The following RNMT variants were observed in gnomAD, a reference collection of about 807,000 sequenced individuals.
The protein encoded by RNMT is mRNA cap guanine-N(7) methyltransferase.
A neutral mutation model predicts 56.0 loss-of-function variants in RNMT; 27 were observed. The observed-to-expected ratio is 0.48, with a 90% CI of 0.36 to 0.67. The LOEUF is 0.67. Among genes scored for constraint, RNMT ranks in the 30% least tolerant of loss-of-function variants. The pLI is 0.00. For missense variants in RNMT, 519 were observed against 552.1 expected (o/e 0.94, Z 0.60); for synonymous variants, 184 against 176.2 (o/e 1.04, Z -0.35).
rs2044638260 is a variant in RNMT at position 13,762,999 on chromosome 18, A to G, written c.*3020A>G. 2 of 441,296 alleles carry G rather than the reference A, an allele frequency of 4.5e-6. No individual in the cohort carries two copies. Among genetic ancestry groups the G allele is most frequent in the Admixed American group, 2.5e-5 (1 of 40,094 alleles). 27.3% of individuals were successfully genotyped at this position (441,296 alleles called of 1,614,324 possible). ...ACCTCAGGCCTTGTGCATTTGGGTTATCTCAAGCCAGTCACCACAGAGGGT... is the reference window on the plus strand; with the variant it reads ...ACCTCAGGCCTTGTGCATTTGGGTTGTCTCAAGCCAGTCACCACAGAGGGT... On this transcript the variant is annotated 3_prime_UTR_variant, in exon 12 of 12. Transcript: ENST00000383314.
At chr18:13,734,068 C>T (rs111810270) in intron 3 of RNMT, among the ~76,000 whole-genome samples, 9 of 152,146 alleles carry the variant, frequency 5.9e-5, no homozygotes, top group Admixed American at 3.3e-4. Flanking sequence ...ATAAGTCTCA[C>T]GAGATCTGAT....
intron 1 of RNMT, among the ~76,000 whole-genome samples, chr18:13,727,779 A>G (rs1185582253): frequency 6.6e-6 from 1 of 152,156 alleles, no homozygotes; most frequent in Admixed American, 6.6e-5. Flanking sequence ...GTCTGTGGTA[A>G]CCACCAATCC....
intron 6 of RNMT, among the ~76,000 whole-genome samples, chr18:13,740,540 G>A (rs2044235573): frequency 6.6e-6 from 1 of 152,038 alleles, no homozygotes; most frequent in Non-Finnish European, 1.5e-5. Flanking sequence ...ACCACACCCA[G>A]CTAATTTTTA....
At chr18:13,752,493 T>C (rs1456054565) in intron 10 of RNMT, 66 bp downstream of exon 10, 8 of 959,480 alleles carry the variant, frequency 8.3e-6, no homozygotes, top group African/African-American at 3.3e-5. Flanking sequence ...TATGGAGACA[T>C]AGGAAATGAT....
chr18:13,741,410 G>A, intron 6 of RNMT, 100 bp from the exon 7 acceptor site: 3 of 710,988 alleles, frequency 4.2e-6, no homozygotes, highest in Non-Finnish European at 7.0e-6. Context: ...AGATTGTGAG[G>A]GAAAGGAAGA....
chr18:13,740,260 T>C lies in RNMT; in HGVS notation c.773T>C (p.Ile258Thr). 1 of 1,574,782 alleles carries C rather than the reference T, an allele frequency of 6.4e-7. No homozygotes were observed. Among genetic ancestry groups the C allele is most frequent in the East Asian group, 2.2e-5 (1 of 44,696 alleles). The change falls in exon 6 of 12, where the codon ATA (isoleucine) becomes ACA (threonine). Residue 258 changes from isoleucine to threonine, a missense_variant. Transcript: ENST00000383314. ...DSEYIFSAEF[I>T]TADSSKELLI... ...GAATATATTTTCAGTGCAGAATTTA[T>C]AACTGCTGACAGCTCAAAGGTACAG...
chr18:13,763,307 ATCCCAGGGCACTG>A lies in RNMT; in HGVS notation c.*3331_*3343del. On this transcript the variant is annotated 3_prime_UTR_variant, in exon 12 of 12. Transcript: ENST00000383314. ...ATTTAGCAGATGCATACAGGACTGG[ATCCCAGGGCACTG>A]TCAGTTCTTCCCTCCCTCTCGTGCT... 2.8e-6 allele frequency: 1 copy of A among 358,666 alleles called. No individual in the cohort carries two copies. The highest frequency in any genetic ancestry group is 2.1e-5 in the South Asian group (1 of 47,094). The allele number at this position is 358,666 out of a possible 1,614,324, so 22.2% of individuals were successfully genotyped here. A position where few individuals can be genotyped will look rare whatever the true frequency, so the allele number is the denominator to read the frequency against.
chr18:13,753,106 AT>A (rs1418622641), intron 10 of RNMT, among the ~76,000 whole-genome samples: 2 of 152,160 alleles, frequency 1.3e-5, no homozygotes, highest in Non-Finnish European at 2.9e-5. Flanking sequence ...CAAAAATTGT[AT>A]TTTTTCCACC....
intron 11 of RNMT, among the ~76,000 whole-genome samples, chr18:13,757,457 C>T (rs2044562667): frequency 6.6e-6 from 1 of 152,146 alleles, no homozygotes; most frequent in South Asian, 2.1e-4. Context: ...TATTAATATT[C>T]GAAATCCTTG....
rs1488671970 is a variant in RNMT, at chr18:13,731,656, A to G, written c.139A>G (p.Thr47Ala). Residue 47 changes from threonine (T) to alanine (A), a missense_variant, in exon 3 of 12, where the codon ACT becomes GCT. Coordinates refer to ENST00000383314, the MANE Select transcript of RNMT (RefSeq NM_003799.3). ...TASGTGLSEKTSVCRQVDIAR... is the reference protein window; with the variant it reads ...TASGTGLSEKASVCRQVDIAR... Reference sequence around the variant, plus strand: ...TTCTGGGACTGGGCTTTCTGAAAAGACTTCTGTCTGTAGGCAAGTAGACAT... The same window carrying G: ...TTCTGGGACTGGGCTTTCTGAAAAGGCTTCTGTCTGTAGGCAAGTAGACAT... The G allele has an allele frequency of 3.1e-6, 5 of 1,614,136 alleles. No homozygotes were observed. The highest frequency in any genetic ancestry group is 2.5e-6 in the Non-Finnish European group (3 of 1,180,008).
chr18:13,736,388 C>T (rs2044158073), intron 4 of RNMT, among the ~76,000 whole-genome samples: 2 of 152,082 alleles, frequency 1.3e-5, no homozygotes, highest in Admixed American at 6.6e-5. Flanking sequence ...AACAATTTGC[C>T]TATTGATGTT....
At chr18:13,737,605 G>A (rs1204158640) in intron 5 of RNMT, among the ~76,000 whole-genome samples, 1 of 151,928 alleles carries the variant, frequency 6.6e-6, no homozygotes, top group Non-Finnish European at 1.5e-5. Context: ...AATAAGCCTG[G>A]GATAACGTTT....
intron 5 of RNMT, 104 bp from the exon 6 acceptor site, chr18:13,740,063 T>C (rs1171214848): frequency 1.4e-6 from 1 of 696,974 alleles, no homozygotes; most frequent in Non-Finnish European, 2.5e-6. Context: ...ACCTTTTCAC[T>C]GGTACTAAGG....
Position 13,731,930 on chromosome 18 carries a change from A to G in RNMT, c.413A>G (p.Gln138Arg), listed in dbSNP as rs776544194. ...GCACTTGAGGATGTTCCTGAAAAGC[A>G]GAAAGTATGTTCAGTGTATTTTCAT... ...KIALEDVPEKQKNLEEGHSST... is the reference protein window; with the variant it reads ...KIALEDVPEKRKNLEEGHSST... The change falls in exon 3 of 12, where the codon CAG becomes CGG. Residue 138 changes from glutamine to arginine, a missense_variant. Transcript: ENST00000383314. The G allele has an allele frequency of 1.9e-6, 3 of 1,588,676 alleles. No homozygotes were observed. The highest frequency in any genetic ancestry group is 2.6e-6 in the Non-Finnish European group (3 of 1,172,646).
At chr18:13,747,209 T>A (rs2149098220) in intron 9 of RNMT, among the ~76,000 whole-genome samples, 1 of 133,580 alleles carries the variant, frequency 7.5e-6, no homozygotes, top group South Asian at 2.5e-4. Flanking sequence ...TTTTCACTAA[T>A]TTTTTTCCTA....
chr18:13,752,275 T>A (rs1285839544), intron 9 of RNMT, 51 bp from the exon 10 acceptor site: 1 of 1,121,812 alleles, frequency 8.9e-7, no homozygotes, highest in Non-Finnish European at 1.4e-6. Context: ...TGTTTAATTC[T>A]GAATTGTAAA....
At chr18:13,739,270 C>G (rs12104083) in intron 5 of RNMT, among the ~76,000 whole-genome samples, 68,204 of 151,932 alleles carry the variant, frequency 0.45, 16,421 homozygotes, top group East Asian at 0.86. Flanking sequence ...TTTCATCACA[C>G]AACATTTTAA....
intron 1 of RNMT, among the ~76,000 whole-genome samples, chr18:13,727,339 G>T (rs1028309106): frequency 6.6e-6 from 1 of 152,224 alleles, no homozygotes; most frequent in African/African-American, 2.4e-5. Context: ...TATTTATCGC[G>T]TGTCCATCTC....
rs144727986 is a variant in RNMT at position 13,750,815 on chromosome 18, C to G, written c.1258-1511C>G. ...GACTCTGTCTCAAAAAAAAAAGATG[C>G]TAGTTTACATCTGATCTTTGACAAA... is the stretch of plus-strand genomic sequence containing the variant. On this transcript the variant is annotated intron_variant, in intron 9 of 11. Coordinates refer to ENST00000383314, the MANE Select transcript of RNMT (RefSeq NM_003799.3). 1.4e-3 allele frequency among the ~76,000 whole-genome samples: 213 copies of G among 151,990 alleles called. 1 individual carries two copies. The highest frequency in any genetic ancestry group is 6.2e-4 in the Non-Finnish European group (42 of 67,942).
Sources: allele counts gnomAD v4.1 joint callset (sites outside exome capture counted in the v4.1 genomes callset), GRCh38; gene constraint gnomAD v4.1.1; transcripts MANE v1.5; gene names NCBI Gene and HGNC (gene_info 2026-07-23, HGNC 2026-07-21).